The following DRC9 variants were observed in gnomAD, a reference collection of about 807,000 sequenced individuals.
DRC9 encodes the protein dynein regulatory complex subunit 9.
At chr3:197,922,660 C>T in the DRC9 span, among the ~76,000 whole-genome samples, 5 of 151,836 alleles carry the variant, frequency 3.3e-5, no homozygotes, top group Non-Finnish European at 4.4e-5. Flanking sequence ...GAGCCAAGAT[C>T]GAGCTGCTGC....
the DRC9 span, among the ~76,000 whole-genome samples, chr3:197,905,655 G>A: frequency 6.6e-6 from 1 of 152,118 alleles, no homozygotes; most frequent in African/African-American, 2.4e-5. Flanking sequence ...GGCTGAGGCA[G>A]GAGAATCACT....
At chr3:197,948,425 T>TC in the DRC9 span, among the ~76,000 whole-genome samples, 1 of 151,990 alleles carries the variant, frequency 6.6e-6, no homozygotes. Flanking sequence ...AGTGTCAGTT[T>TC]CCCCCCACTA....
At chr3:197,944,777 C>T in the DRC9 span, among the ~76,000 whole-genome samples, 1 of 151,834 alleles carries the variant, frequency 6.6e-6, no homozygotes, top group African/African-American at 2.4e-5. Context: ...GATTGGGTTT[C>T]TCCATGTTGG....
At chr3:197,947,844 C>T in the DRC9 span, among the ~76,000 whole-genome samples, 7 of 151,812 alleles carry the variant, frequency 4.6e-5, no homozygotes, top group South Asian at 6.2e-4. Flanking sequence ...TCTCTCCAAA[C>T]GTCTCTCTCT....
chr3:197,911,097 C>G, the DRC9 span, among the ~76,000 whole-genome samples: 1 of 151,614 alleles, frequency 6.6e-6, no homozygotes, highest in Non-Finnish European at 1.5e-5. Context: ...TTAAAACCAC[C>G]GTGTCATATA....
At chr3:197,920,705 T>C in the DRC9 span, among the ~76,000 whole-genome samples, 1 of 152,226 alleles carries the variant, frequency 6.6e-6, no homozygotes, top group Non-Finnish European at 1.5e-5. Flanking sequence ...CTATTCTAAA[T>C]CTGTTGCTGA....
chr3:197,934,694 A>G, the DRC9 span, among the ~76,000 whole-genome samples: 1 of 151,858 alleles, frequency 6.6e-6, no homozygotes, highest in African/African-American at 2.4e-5. Context: ...TAGGCCGGGC[A>G]CAAGAGCTCA....
At chr3:197,921,036 G>A in the DRC9 span, among the ~76,000 whole-genome samples, 1 of 148,520 alleles carries the variant, frequency 6.7e-6, no homozygotes. Flanking sequence ...AGTAACTCCG[G>A]GGATTTAACC....
At chr3:197,920,527 G>A in the DRC9 span, among the ~76,000 whole-genome samples, 49 of 151,884 alleles carry the variant, frequency 3.2e-4, no homozygotes, top group Non-Finnish European at 6.0e-4. Flanking sequence ...AGGAGTTTGC[G>A]GCCAGCCTGG....
the DRC9 span, among the ~76,000 whole-genome samples, chr3:197,947,928 CTT>C: frequency 1.1e-3 from 104 of 96,778 alleles, no homozygotes; most frequent in African/African-American, 3.8e-3. Context: ...CCTGCTTTAC[CTT>C]TTTTTTTTTT....
the DRC9 span, among the ~76,000 whole-genome samples, chr3:197,905,320 T>C: frequency 2.6e-5 from 4 of 152,206 alleles, no homozygotes; most frequent in African/African-American, 9.6e-5. Flanking sequence ...CACACGCCTG[T>C]ATCAAAGTAC....
chr3:197,955,643 G>A, the DRC9 span: 2 of 1,005,580 alleles, frequency 2.0e-6, no homozygotes, highest in South Asian at 2.5e-5. Flanking sequence ...CTTACCACTA[G>A]AACATGTAAT....
At chr3:197,905,289 C>T in the DRC9 span, among the ~76,000 whole-genome samples, 3 of 152,158 alleles carry the variant, frequency 2.0e-5, no homozygotes, top group African/African-American at 7.2e-5. Context: ...CCCCAATTCC[C>T]CTGATGTGAC....
chr3:197,951,464 T>C, the DRC9 span: 127 of 784,454 alleles, frequency 1.6e-4, no homozygotes, highest in East Asian at 3.1e-3. Flanking sequence ...GCAAGTGTCC[T>C]GTCTCAGCCT....
At chr3:197,934,013 T>C in the DRC9 span, among the ~76,000 whole-genome samples, 2 of 151,054 alleles carry the variant, frequency 1.3e-5, no homozygotes, top group African/African-American at 4.9e-5. Flanking sequence ...CTTTAATTTC[T>C]AGTTTGCTAA....
chr3:197,931,967 C>A, the DRC9 span, among the ~76,000 whole-genome samples: 18 of 152,066 alleles, frequency 1.2e-4, no homozygotes, highest in Non-Finnish European at 2.4e-4. Flanking sequence ...GAAGAATGGT[C>A]TTGATATATT....
chr3:197,902,475 C>G, the DRC9 span, among the ~76,000 whole-genome samples: 2 of 151,922 alleles, frequency 1.3e-5, no homozygotes, highest in African/African-American at 4.8e-5. Flanking sequence ...TTCAAGATAA[C>G]ACAGAGAAAC....
At chr3:197,924,122 G>A in the DRC9 span, among the ~76,000 whole-genome samples, 3 of 152,010 alleles carry the variant, frequency 2.0e-5, no homozygotes, top group South Asian at 6.2e-4. Flanking sequence ...TTGGGAGGAC[G>A]AGATGGGCAG....
the DRC9 span, among the ~76,000 whole-genome samples, chr3:197,904,708 A>G: frequency 6.6e-6 from 1 of 151,960 alleles, no homozygotes; most frequent in African/African-American, 2.4e-5. Context: ...TAAAATACAA[A>G]AATTAGCTGG....
Sources: allele counts gnomAD v4.1 joint callset (sites outside exome capture counted in the v4.1 genomes callset), GRCh38; gene constraint gnomAD v4.1.1; transcripts MANE v1.5; gene names NCBI Gene and HGNC (gene_info 2026-07-23, HGNC 2026-07-21).